The following SHQ1 variants were observed in gnomAD, a reference collection of about 807,000 sequenced individuals.
SHQ1 encodes the protein protein SHQ1 homolog.
Under a neutral mutation model 53.8 loss-of-function variants are expected in SHQ1, and 49 were observed. The observed-to-expected ratio is 0.91, with a 90% CI of 0.72 to 1.16. SHQ1 has a LOEUF of 1.16. Ranked by LOEUF, SHQ1 falls within the 50% of genes most tolerant of loss-of-function variation. The pLI is 0.00. For synonymous variants in SHQ1, 243 were observed against 251.0 expected, an observed-to-expected ratio of 0.97 and a Z score of 0.30; for missense variants, 738 against 683.1, an observed-to-expected ratio of 1.08 and a Z score of -0.90.
intron 4 of SHQ1, among the ~76,000 whole-genome samples, chr3:72,835,583 G>T (rs533718149): frequency 1.3e-5 from 2 of 152,246 alleles, no homozygotes; most frequent in South Asian, 2.1e-4. Context: ...TAAATGGACC[G>T]ACATAACCCC....
intron 10 of SHQ1, among the ~76,000 whole-genome samples, chr3:72,758,874 C>T (rs1705556136): frequency 1.3e-5 from 2 of 152,232 alleles, no homozygotes; most frequent in Non-Finnish European, 2.9e-5. Context: ...GCCAAGGCTA[C>T]TATTAATAGT....
At chr3:72,727,895 A>G in the SHQ1 span, among the ~76,000 whole-genome samples, 5 of 152,152 alleles carry the variant, frequency 3.3e-5, no homozygotes, top group Admixed American at 6.6e-5. Context: ...GCAGTTCATC[A>G]GGCACAACCC....
At chr3:72,769,556 C>T (rs1362684062) in intron 10 of SHQ1, among the ~76,000 whole-genome samples, 1 of 152,162 alleles carries the variant, frequency 6.6e-6, no homozygotes, top group Non-Finnish European at 1.5e-5. Context: ...AGCACATCTT[C>T]CCCCTTTCTT....
intron 9 of SHQ1, chr3:72,793,951 T>A (rs1237706841): frequency 2.0e-5 from 3 of 152,212 alleles, no homozygotes; most frequent in Non-Finnish European, 4.4e-5. Flanking sequence ...AACCTAGTTT[T>A]AACCCAACCA....
At chr3:72,801,799 GA>G (rs1308143555) in intron 9 of SHQ1, among the ~76,000 whole-genome samples, 1 of 152,192 alleles carries the variant, frequency 6.6e-6, no homozygotes, top group Non-Finnish European at 1.5e-5. Context: ...TAATTTATAT[GA>G]AAAGGATGCA....
At chr3:72,740,763 C>T in the SHQ1 span, among the ~76,000 whole-genome samples, 1 of 152,122 alleles carries the variant, frequency 6.6e-6, no homozygotes, top group Non-Finnish European at 1.5e-5. Flanking sequence ...ACAGCAACTC[C>T]ACGTGTCTGC....
chr3:72,744,051 A>G, the SHQ1 span, among the ~76,000 whole-genome samples: 1 of 152,220 alleles, frequency 6.6e-6, no homozygotes, highest in Non-Finnish European at 1.5e-5. Flanking sequence ...GGGGAAACAC[A>G]AATGCAATAT....
chr3:72,754,210 T>A (rs1575673927), intron 10 of SHQ1, among the ~76,000 whole-genome samples: 1 of 152,178 alleles, frequency 6.6e-6, no homozygotes, highest in Non-Finnish European at 1.5e-5. Flanking sequence ...ACATTACAGA[T>A]GAGGGAACTA....
At chr3:72,803,639 G>A (rs896885480) in intron 9 of SHQ1, among the ~76,000 whole-genome samples, 4 of 152,178 alleles carry the variant, frequency 2.6e-5, no homozygotes, top group African/African-American at 9.6e-5. Context: ...TCTCTGTAAA[G>A]AGATAGAAAG....
the SHQ1 span, among the ~76,000 whole-genome samples, chr3:72,733,117 C>T: frequency 1.3e-5 from 2 of 151,680 alleles, no homozygotes; most frequent in African/African-American, 4.9e-5. Flanking sequence ...GTACACTCAA[C>T]GGGCATCTCT....
intron 2 of SHQ1, among the ~76,000 whole-genome samples, chr3:72,842,676 T>C (rs902737640): frequency 2.0e-5 from 3 of 152,244 alleles, no homozygotes; most frequent in Non-Finnish European, 4.4e-5. Context: ...AACATAATTC[T>C]ATTTTACAGG....
At chr3:72,770,914 C>T (rs1383805407) in intron 10 of SHQ1, among the ~76,000 whole-genome samples, 2 of 152,180 alleles carry the variant, frequency 1.3e-5, no homozygotes, top group Non-Finnish European at 2.9e-5. Context: ...TGGACTAGCC[C>T]GCACCTGGGA....
chr3:72,830,112 CA>C (rs202235555), intron 5 of SHQ1, among the ~76,000 whole-genome samples: 3,339 of 89,258 alleles, frequency 0.037, 81 homozygotes, highest in Admixed American at 0.11. Flanking sequence ...CAAAACATGC[CA>C]AAAAAAAAAA....
Position 72,835,865 on chromosome 3 carries a change from A to G in SHQ1, c.487-3384T>C, listed in dbSNP as rs1400147826. Among the ~76,000 whole-genome samples, 6 of 152,338 alleles carry G rather than the reference A, an allele frequency of 3.9e-5. No individual in the cohort carries two copies. The East Asian group carries it at 1.2e-3, about 29-fold the overall frequency. On this transcript the variant is annotated intron_variant, in intron 4 of 10. Coordinates refer to ENST00000325599, the MANE Select transcript of SHQ1 (RefSeq NM_018130.3). ...CTTCTCTGGGCATCCTAGCCAAAGT[A>G]GTACCCCCAGTCTTTCACCTCACCC...
At chr3:72,751,492 G>GTACATATATA (rs1705368313) in intron 10 of SHQ1, among the ~76,000 whole-genome samples, 3 of 98,884 alleles carry the variant, frequency 3.0e-5, no homozygotes, top group Non-Finnish European at 4.0e-5. Context: ...GTGTGTGTGT[G>GTACATATATA]TGTGTGTGTG....
chr3:72,842,255 T>C (rs1708196957), intron 3 of SHQ1, 25 bp downstream of exon 3: 1 of 1,608,572 alleles, frequency 6.2e-7, no homozygotes, highest in Non-Finnish European at 8.5e-7. Flanking sequence ...TTATCCTAAT[T>C]TCCTCCCAAC....
the SHQ1 span, among the ~76,000 whole-genome samples, chr3:72,726,416 G>C: frequency 6.6e-6 from 1 of 152,066 alleles, no homozygotes; most frequent in Admixed American, 6.5e-5. Context: ...GCAATGGCGT[G>C]ATCTTGGCTC....
Position 72,848,242 on chromosome 3 carries a change from G to T in SHQ1, c.99C>A (p.Phe33Leu), listed in dbSNP as rs372394572. The T allele has an allele frequency of 3.7e-6, 6 of 1,614,064 alleles. No homozygotes were observed. Among genetic ancestry groups the T allele is most frequent in the Non-Finnish European group, 5.1e-6 (6 of 1,180,032 alleles). The change falls in exon 1 of 11, where the codon TTC becomes TTA. Residue 33 changes from phenylalanine (F) to leucine (L), a missense_variant. By Grantham distance (22) the Phe-to-Leu change is conservative (BLOSUM62 0). Coordinates refer to ENST00000325599, the MANE Select transcript of SHQ1 (RefSeq NM_018130.3). The part of the protein sequence containing the change: ...YARVSEFDVY[F>L]EGSDFKFYAK... ...CGTAGAACTTGAAGTCAGACCCCTC[G>T]AAGTAGACGTCGAACTCGGAGACCC... is the stretch of plus-strand genomic sequence containing the variant.
chr3:72,726,753 C>T, the SHQ1 span, among the ~76,000 whole-genome samples: 2 of 152,186 alleles, frequency 1.3e-5, no homozygotes, highest in African/African-American at 4.8e-5. Flanking sequence ...TGCAGTGAGA[C>T]ACCTCGGGAT....
Sources: allele counts gnomAD v4.1 joint callset (sites outside exome capture counted in the v4.1 genomes callset), GRCh38; gene constraint gnomAD v4.1.1; transcripts MANE v1.5; gene names NCBI Gene and HGNC (gene_info 2026-07-23, HGNC 2026-07-21).